The following MTUS2 variants were observed in gnomAD, a reference collection of about 807,000 sequenced individuals.
The protein encoded by MTUS2 is microtubule-associated tumor suppressor candidate 2.
MTUS2 carries 40 observed loss-of-function variants against 114.1 expected under a neutral mutation model. The ratio of observed to expected loss-of-function variants is 0.35; its 90% CI spans 0.27 to 0.46. The LOEUF (loss-of-function observed/expected upper bound fraction) is 0.46. Among genes scored for constraint, MTUS2 ranks in the 20% least tolerant of loss-of-function variants. MTUS2 has a pLI of 1.00. For synonymous variants in MTUS2, 688 were observed against 672.0 expected (o/e 1.02, Z -0.37); for missense variants, 1,679 against 1,705.4 (o/e 0.98, Z 0.27).
intron 5 of MTUS2, among the ~76,000 whole-genome samples, chr13:29,227,385 T>C (rs1428166334): frequency 1.3e-5 from 2 of 151,988 alleles, no homozygotes; most frequent in African/African-American, 4.8e-5. Flanking sequence ...ATTGATTAAA[T>C]ATCTCTTTGC....
At chr13:29,202,320 T>C (rs1218870509) in intron 5 of MTUS2, among the ~76,000 whole-genome samples, 1 of 152,224 alleles carries the variant, frequency 6.6e-6, no homozygotes, top group East Asian at 1.9e-4. Flanking sequence ...TATGTATGTT[T>C]CATGAAGTTC....
chr13:29,133,297 T>C (rs1010853677), intron 5 of MTUS2, among the ~76,000 whole-genome samples: 2 of 152,208 alleles, frequency 1.3e-5, no homozygotes, highest in African/African-American at 4.8e-5. Flanking sequence ...AAATATTTTC[T>C]CTCATTCTGT....
At chr13:28,899,554 C>T (rs867966618) in intron 2 of MTUS2, among the ~76,000 whole-genome samples, 35 of 152,056 alleles carry the variant, frequency 2.3e-4, no homozygotes, top group African/African-American at 6.0e-4. Context: ...GGACTACAGG[C>T]GCCCACCACC....
chr13:29,345,877 C>T (rs1403242047), intron 7 of MTUS2, among the ~76,000 whole-genome samples: 1 of 151,964 alleles, frequency 6.6e-6, no homozygotes, highest in Non-Finnish European at 1.5e-5. Context: ...CTCCCTTCCC[C>T]TAGGGGTGGG....
intron 5 of MTUS2, among the ~76,000 whole-genome samples, chr13:29,238,699 C>T (rs1246867038): frequency 6.6e-6 from 1 of 152,178 alleles, no homozygotes; most frequent in Non-Finnish European, 1.5e-5. Flanking sequence ...TCCTAGTCCA[C>T]TGATTCAAAT....
At chr13:28,910,059 A>C (rs1276709524) in intron 2 of MTUS2, among the ~76,000 whole-genome samples, 1 of 152,160 alleles carries the variant, frequency 6.6e-6, no homozygotes, top group African/African-American at 2.4e-5. Context: ...TTTTATTTTT[A>C]AATGTGCAAT....
intron 4 of MTUS2, among the ~76,000 whole-genome samples, chr13:29,073,823 G>T (rs1358072411): frequency 6.6e-6 from 1 of 152,064 alleles, no homozygotes; most frequent in Non-Finnish European, 1.5e-5. Flanking sequence ...AGGTGTGCAT[G>T]CTCTCAGTGG....
chr13:29,102,960 T>C (rs1890484051), intron 5 of MTUS2, among the ~76,000 whole-genome samples: 2 of 152,214 alleles, frequency 1.3e-5, no homozygotes, highest in South Asian at 4.1e-4. Context: ...CTGTTCTTTC[T>C]TGAGTTTACA....
rs1882590395 is a variant in MTUS2, at chr13:29,496,999, T to C, written c.3580-239T>C. On this transcript the variant is annotated intron_variant, in intron 12 of 15. Coordinates refer to ENST00000612955, the MANE Select transcript of MTUS2 (RefSeq NM_001033602.4). This position sits in a 1 kb window ranked among gnomAD's most constrained non-coding sequence, Gnocchi z 4.3. ...GTGAAATGCCTCCAGTTCAGTGTTT[T>C]TGTGGTGTCTTCCTGACAAAGCACT... Among the ~76,000 whole-genome samples, 1 of 152,250 alleles carries C rather than the reference T, an allele frequency of 6.6e-6. No individual in the cohort carries two copies.
intron 5 of MTUS2, chr13:29,240,239 C>T (rs1896683948): frequency 6.6e-6 from 1 of 152,162 alleles, no homozygotes; most frequent in African/African-American, 2.4e-5. Flanking sequence ...TTTACCCTTC[C>T]TAGCACTGTC....
intron 8 of MTUS2, among the ~76,000 whole-genome samples, chr13:29,406,598 C>A (rs80336392): frequency 6.6e-6 from 1 of 152,164 alleles, no homozygotes; most frequent in African/African-American, 2.4e-5. Context: ...CATACCATCA[C>A]CTCTGCTATA....
At chr13:29,061,917 C>CTT (rs10641111) in intron 4 of MTUS2, among the ~76,000 whole-genome samples, 147,833 of 152,322 alleles carry the variant, frequency 0.97, 71,763 homozygotes, top group Non-Finnish European at 0.98. Flanking sequence ...CTGAAAGAAA[C>CTT]TAACTTTTGT....
chr13:29,420,563 C>T (rs1009583080), intron 8 of MTUS2, among the ~76,000 whole-genome samples: 1 of 152,108 alleles, frequency 6.6e-6, no homozygotes. Context: ...AGGTATGAGC[C>T]ACTGCACCCA....
intron 8 of MTUS2, chr13:29,428,849 C>T (rs1431798788): frequency 1.2e-6 from 2 of 1,614,018 alleles, no homozygotes; most frequent in Middle Eastern, 1.7e-4. Context: ...CGGGATGGGC[C>T]ATTGCTGCTG....
Position 29,480,220 on chromosome 13 carries a change from G to C in MTUS2, c.3255G>C (p.Glu1085Asp). Residue 1085 changes from glutamate (E) to aspartate (D), a missense_variant, in exon 10 of 16, where the codon GAG (glutamate) becomes GAC (aspartate). Glu to Asp is a conservative substitution (Grantham distance 45). Transcript: ENST00000612955. This position sits in a 1 kb window ranked among gnomAD's most constrained non-coding sequence, Gnocchi z 4.4. ...KEELERRFED[E>D]VKRLGWQQQA... ...AGCTGGAGAGGCGGTTCGAGGACGA[G>C]GTGAAGAGGCTGGGCTGGCAGCAGC... The C allele has an allele frequency of 6.4e-7, 1 of 1,555,330 alleles. No homozygotes were observed. The highest frequency in any genetic ancestry group is 8.7e-7 in the Non-Finnish European group (1 of 1,148,694).
intron 8 of MTUS2, among the ~76,000 whole-genome samples, chr13:29,399,514 C>T (rs941143798): frequency 2.0e-5 from 3 of 152,050 alleles, no homozygotes; most frequent in African/African-American, 7.2e-5. Context: ...ATCAAAGAAT[C>T]AGAAATTCAA....
chr13:28,846,224 A>G (rs1420922935), intron 2 of MTUS2, among the ~76,000 whole-genome samples: 3 of 152,130 alleles, frequency 2.0e-5, no homozygotes, highest in African/African-American at 4.8e-5. Flanking sequence ...TTTCTTAAAT[A>G]TGGAACCCAC....
At chr13:29,089,891 C>T (rs2479795) in intron 4 of MTUS2, among the ~76,000 whole-genome samples, 98,247 of 151,866 alleles carry the variant, frequency 0.65, 32,876 homozygotes, top group Non-Finnish European at 0.74. Flanking sequence ...CTGTATCTCA[C>T]TGAGCTTCCT....
chr13:29,042,939 G>A (rs75330790), intron 4 of MTUS2, among the ~76,000 whole-genome samples: 2,541 of 151,888 alleles, frequency 0.017, 36 homozygotes, highest in African/African-American at 0.031. Context: ...TTTATCTTTT[G>A]TATAATTTTT....
Sources: gnomAD v4.1 joint callset for allele counts (sites outside exome capture counted in the v4.1 genomes callset) on GRCh38, gnomAD v4.1.1 for gene constraint, Gnocchi (gnomAD v3.1) non-coding constraint, MANE v1.5 for transcripts, NCBI Gene and HGNC (gene_info 2026-07-23, HGNC 2026-07-21) for gene names.